Variants in GNB1L observed in about 807,000 individuals in gnomAD.
GNB1L encodes G protein subunit beta 1 like.
In GNB1L, 20 loss-of-function variants were observed where a neutral mutation model predicts 29.1. That is an observed-to-expected ratio of 0.69 (90% CI 0.48 to 1.00). The LOEUF (loss-of-function observed/expected upper bound fraction) is 1.00, where lower values mean the gene tolerates loss of function less well. Among genes scored for constraint, GNB1L ranks in the 50% least tolerant of loss-of-function variants. The pLI is 0.00. For synonymous variants in GNB1L, 193 were observed against 206.5 expected (o/e 0.93, Z 0.56); for missense variants, 421 against 464.9 (o/e 0.91, Z 0.87).
At chr22:19,848,362 G>A in intron 2 of GNB1L, 11 of 985,460 alleles carry the variant, frequency 1.1e-5, no homozygotes, top group Non-Finnish European at 1.3e-5. Flanking sequence ...GCCAGTGTGT[G>A]GGGGCCAGAA....
chr22:19,841,495 T>TA (rs1303078479), intron 2 of GNB1L, among the ~76,000 whole-genome samples: 2 of 152,064 alleles, frequency 1.3e-5, no homozygotes, highest in Non-Finnish European at 2.9e-5. Context: ...ATCGGCCAGT[T>TA]ATGGTGGTGC....
intron 2 of GNB1L, among the ~76,000 whole-genome samples, chr22:19,834,208 TAAAC>T (rs2145891466): frequency 6.6e-6 from 1 of 152,224 alleles, no homozygotes; most frequent in South Asian, 2.1e-4. Flanking sequence ...TGAAACATCA[TAAAC>T]TGCTGAAAAA....
At chr22:19,852,441 A>C in intron 2 of GNB1L, 1 of 635,466 alleles carries the variant, frequency 1.6e-6, no homozygotes, top group Non-Finnish European at 2.8e-6. Context: ...AGGAGAGCTG[A>C]GAAGAGCTGA....
At chr22:19,852,878 G>A (rs1006053011) in intron 2 of GNB1L, among the ~76,000 whole-genome samples, 1 of 152,154 alleles carries the variant, frequency 6.6e-6, no homozygotes, top group Non-Finnish European at 1.5e-5. Context: ...CCCATAAGTG[G>A]TGGAAGCAGC....
At position 19,806,751 on chromosome 22, in the gene GNB1L, T is replaced by C; in HGVS notation, c.424A>G (p.Ile142Val). Residue 142 changes from isoleucine to valine, a missense_variant, in exon 6 of 8, where the codon ATT (isoleucine) becomes GTT (valine). Coordinates refer to ENST00000329517, the MANE Select transcript of GNB1L (RefSeq NM_053004.3). ...GACGTCTTGGAGGGCATCTCCAGAA[T>C]CTGAACCTGACAGTAAGAAAACAAG... Reference protein sequence around the residue: ...VPGRGSDEVQILEMPSKTSVC... With the variant: ...VPGRGSDEVQVLEMPSKTSVC... 1 of 1,610,882 alleles carries C rather than the reference T, an allele frequency of 6.2e-7. No homozygotes were observed. The highest frequency in any genetic ancestry group is 1.1e-5 in the South Asian group (1 of 91,030).
intron 5 of GNB1L, among the ~76,000 whole-genome samples, chr22:19,811,993 C>T (rs1937506237): frequency 1.3e-5 from 2 of 152,252 alleles, no homozygotes; most frequent in South Asian, 2.1e-4. Context: ...TCCCACGCCA[C>T]TGTCCTCCAT....
At chr22:19,834,136 A>C (rs9680547) in intron 2 of GNB1L, among the ~76,000 whole-genome samples, 40,858 of 151,970 alleles carry the variant, frequency 0.27, 5,593 homozygotes, top group East Asian at 0.35. Flanking sequence ...ACAAAAGCAC[A>C]TATGTTTAAG....
intron 4 of GNB1L, among the ~76,000 whole-genome samples, chr22:19,815,171 C>T (rs1937519668): frequency 6.6e-6 from 1 of 152,124 alleles, no homozygotes; most frequent in South Asian, 2.1e-4. Flanking sequence ...GAAATTGAAA[C>T]AAAGTCTGGG....
intron 6 of GNB1L, 58 bp downstream of exon 6, chr22:19,806,601 A>G: frequency 2.9e-6 from 3 of 1,048,110 alleles, no homozygotes; most frequent in South Asian, 1.4e-5. Flanking sequence ...TGAATGGAGC[A>G]TGACTCATGG....
rs540978780 is a variant in GNB1L at position 19,811,531 on chromosome 22, C to T, written c.417+754G>A. On this transcript the variant is annotated intron_variant, in intron 5 of 7. Transcript: ENST00000329517. ...CCACACCCTCCTCCACTATGACACCCTCCCCGCACATCTTGGGCACCCCTC... is the reference window on the plus strand; with the variant it reads ...CCACACCCTCCTCCACTATGACACCTTCCCCGCACATCTTGGGCACCCCTC... 2.0e-5 allele frequency among the ~76,000 whole-genome samples: 3 copies of T among 152,276 alleles called. No individual in the cohort carries two copies. The South Asian group carries it at 6.2e-4, about 32-fold the overall frequency.
intron 2 of GNB1L, among the ~76,000 whole-genome samples, chr22:19,822,160 C>T (rs1937584802): frequency 6.6e-6 from 1 of 152,220 alleles, no homozygotes; most frequent in Admixed American, 6.5e-5. Context: ...ACCCTTTTCA[C>T]TCTTGGGGAA....
intron 4 of GNB1L, among the ~76,000 whole-genome samples, chr22:19,813,870 C>G (rs567609560): frequency 6.6e-6 from 1 of 152,034 alleles, no homozygotes; most frequent in Non-Finnish European, 1.5e-5. Context: ...GTGGTGCGTG[C>G]CTGTAGTCCC....
chr22:19,834,032 G>T (rs911739399), intron 2 of GNB1L, among the ~76,000 whole-genome samples: 4 of 151,930 alleles, frequency 2.6e-5, no homozygotes, highest in African/African-American at 7.2e-5. Flanking sequence ...AACATTAAGG[G>T]CAGTGGAGTC....
intron 7 of GNB1L, among the ~76,000 whole-genome samples, chr22:19,797,365 G>A (rs560948662): frequency 8.5e-5 from 13 of 152,290 alleles, no homozygotes; most frequent in African/African-American, 2.4e-4. Context: ...GGGTGCAGGC[G>A]GTGATTTCAA....
chr22:19,787,059 C>A lies in GNB1L; in HGVS notation c.*1650G>T, dbSNP rs1937197817. On this transcript the variant is annotated 3_prime_UTR_variant, in exon 8 of 8. Transcript: ENST00000329517. ...TGACATTCCCGTTTGATGGAACGGT[C>A]CCCATGGTACCTCTGACCAACAGAG... 1.3e-5 allele frequency: 2 copies of A among 152,230 alleles called. No homozygotes were observed. The highest frequency in any genetic ancestry group is 4.1e-4 in the South Asian group (2 of 4,832). The allele number at this position is 152,230 out of a possible 1,614,324, so 9.4% of individuals were successfully genotyped here. A position where few individuals can be genotyped will look rare whatever the true frequency, so the allele number is the denominator to read the frequency against.
At chr22:19,847,237 G>A (rs1217092520) in intron 2 of GNB1L, 1 of 985,356 alleles carries the variant, frequency 1.0e-6, no homozygotes, top group Non-Finnish European at 1.2e-6. Flanking sequence ...GCCCACAGGT[G>A]CAAGCAAGAA....
intron 5 of GNB1L, 94 bp downstream of exon 5, chr22:19,812,191 G>A: frequency 3.8e-6 from 5 of 1,332,886 alleles, no homozygotes; most frequent in Non-Finnish European, 5.1e-6. Context: ...GCTCCATGGA[G>A]TCCTGTGGGT....
At chr22:19,815,619 G>T (rs1937521121) in intron 4 of GNB1L, among the ~76,000 whole-genome samples, 1 of 152,054 alleles carries the variant, frequency 6.6e-6, no homozygotes, top group Non-Finnish European at 1.5e-5. Flanking sequence ...ATCTTGATTT[G>T]TTGCCCAGGG....
intron 2 of GNB1L, chr22:19,850,344 A>C: frequency 1.0e-6 from 1 of 985,612 alleles, no homozygotes; most frequent in Non-Finnish European, 1.2e-6. Flanking sequence ...AGGGAGATCC[A>C]AGTCATTTAC....
Sources: allele counts gnomAD v4.1 joint callset (sites outside exome capture counted in the v4.1 genomes callset), GRCh38; gene constraint gnomAD v4.1.1; transcripts MANE v1.5; gene names NCBI Gene and HGNC (gene_info 2026-07-23, HGNC 2026-07-21).